ZNG1E: variants seen among roughly 807,000 people sequenced by gnomAD.
ZNG1E encodes the protein Zn regulated GTPase metalloprotein activator 1E.
At chr9:65,699,969 A>G in the ZNG1E span, among the ~76,000 whole-genome samples, 1 of 151,438 alleles carries the variant, frequency 6.6e-6, no homozygotes, top group Non-Finnish European at 1.5e-5. Flanking sequence ...GTAGCGCAAG[A>G]GTAGCAAGTA....
At chr9:65,671,573 G>A in the ZNG1E span, among the ~76,000 whole-genome samples, 5 of 152,212 alleles carry the variant, frequency 3.3e-5, no homozygotes, top group African/African-American at 1.2e-4. Flanking sequence ...ACCCGCCCTG[G>A]CTTTCCAAAG....
chr9:65,661,994 AAG>A, the ZNG1E span, among the ~76,000 whole-genome samples: 1 of 152,266 alleles, frequency 6.6e-6, no homozygotes. Context: ...CATAGTTTCA[AAG>A]TATCTCCCCA....
At chr9:65,695,453 TG>T in the ZNG1E span, among the ~76,000 whole-genome samples, 1 of 62,488 alleles carries the variant, frequency 1.6e-5, no homozygotes, top group African/African-American at 5.9e-5. Context: ...AGAGTTCCTT[TG>T]TTTCTCTCCC....
At chr9:65,720,972 TAAAA>T in the ZNG1E span, among the ~76,000 whole-genome samples, 50 of 138,360 alleles carry the variant, frequency 3.6e-4, no homozygotes, top group African/African-American at 1.0e-3. Flanking sequence ...GAATTTATGG[TAAAA>T]AAAAAAAAAA....
chr9:65,718,946 G>C, the ZNG1E span, among the ~76,000 whole-genome samples: 1 of 53,530 alleles, frequency 1.9e-5, no homozygotes, highest in African/African-American at 7.3e-5. Context: ...AATGTTCGTT[G>C]TTAGATTTTT....
chr9:65,660,806 C>T, the ZNG1E span, among the ~76,000 whole-genome samples: 19 of 144,610 alleles, frequency 1.3e-4, no homozygotes, highest in African/African-American at 4.9e-4. Context: ...AATATGCACA[C>T]ATCTGTGGTT....
chr9:65,684,566 A>G, the ZNG1E span, among the ~76,000 whole-genome samples: 1,614 of 150,820 alleles, frequency 0.011, 1 homozygote, highest in East Asian at 0.039. Context: ...ACACACACAC[A>G]CACATTCATA....
At chr9:65,718,002 A>G in the ZNG1E span, among the ~76,000 whole-genome samples, 2 of 139,804 alleles carry the variant, frequency 1.4e-5, no homozygotes. Context: ...TTTTTTTTAT[A>G]TTTATTTAAT....
chr9:65,677,523 G>T, the ZNG1E span, among the ~76,000 whole-genome samples: 3 of 152,272 alleles, frequency 2.0e-5, no homozygotes, highest in Non-Finnish European at 2.9e-5. Flanking sequence ...AACTTCGTCT[G>T]TTACCATTCC....
the ZNG1E span, among the ~76,000 whole-genome samples, chr9:65,667,420 A>G: frequency 6.6e-6 from 1 of 152,396 alleles, no homozygotes; most frequent in Admixed American, 6.5e-5. Context: ...TAAGAAATTA[A>G]TATTAAAATA....
the ZNG1E span, among the ~76,000 whole-genome samples, chr9:65,722,228 AC>A: frequency 7.5e-5 from 5 of 67,050 alleles, no homozygotes; most frequent in African/African-American, 3.5e-4. Context: ...TAGAGAGGGC[AC>A]CTCTTAAATG....
At chr9:65,694,606 C>T in the ZNG1E span, among the ~76,000 whole-genome samples, 1 of 151,524 alleles carries the variant, frequency 6.6e-6, no homozygotes, top group Non-Finnish European at 1.5e-5. Flanking sequence ...AGATAAATAA[C>T]TTTGCCTTGA....
chr9:65,721,743 G>A, the ZNG1E span, among the ~76,000 whole-genome samples: 30 of 150,326 alleles, frequency 2.0e-4, no homozygotes, highest in African/African-American at 7.2e-4. Flanking sequence ...CTACTAAATA[G>A]GGCATATCTA....
chr9:65,665,258 A>C, the ZNG1E span, among the ~76,000 whole-genome samples: 1 of 152,392 alleles, frequency 6.6e-6, no homozygotes, highest in South Asian at 2.1e-4. Context: ...TTAGGAGGAA[A>C]AAGTGGTTTC....
the ZNG1E span, among the ~76,000 whole-genome samples, chr9:65,673,960 T>C: frequency 6.6e-6 from 1 of 152,292 alleles, no homozygotes; most frequent in Non-Finnish European, 1.5e-5. Flanking sequence ...ATCAAGCAAA[T>C]AGTGTGATGA....
the ZNG1E span, among the ~76,000 whole-genome samples, chr9:65,710,012 C>G: frequency 1.4e-5 from 2 of 147,824 alleles, no homozygotes; most frequent in Non-Finnish European, 3.0e-5. Context: ...CTCTCCAGCA[C>G]GTGTTGTTTC....
the ZNG1E span, among the ~76,000 whole-genome samples, chr9:65,658,145 A>G: frequency 6.6e-6 from 1 of 151,680 alleles, no homozygotes; most frequent in African/African-American, 2.4e-5. Context: ...ATAAATACCT[A>G]TTATGTACCA....
At chr9:65,714,888 G>A in the ZNG1E span, among the ~76,000 whole-genome samples, 1 of 151,946 alleles carries the variant, frequency 6.6e-6, no homozygotes, top group African/African-American at 2.4e-5. Flanking sequence ...GGAGCCTACA[G>A]AGGCAGGCAG....
chr9:65,685,079 A>G, the ZNG1E span, among the ~76,000 whole-genome samples: 6 of 150,838 alleles, frequency 4.0e-5, no homozygotes, highest in African/African-American at 1.5e-4. Context: ...AGCTGTGTTT[A>G]TACTATACTG....
Sources: allele counts gnomAD v4.1 joint callset (sites outside exome capture counted in the v4.1 genomes callset), GRCh38; gene constraint gnomAD v4.1.1; transcripts MANE v1.5; gene names NCBI Gene and HGNC (gene_info 2026-07-23, HGNC 2026-07-21).